The following RBFOX1 variants were observed in gnomAD, a reference collection of about 807,000 sequenced individuals.
RBFOX1 encodes RNA binding fox-1 homolog 1, also known as RNA binding protein fox-1 homolog 1.
Under a neutral mutation model 57.7 loss-of-function variants are expected in RBFOX1, and 8 were observed. The observed-to-expected ratio is 0.14, with a 90% CI of 0.08 to 0.25. The LOEUF is 0.25. Among genes scored for constraint, RBFOX1 ranks in the 10% least tolerant of loss-of-function variants. The pLI is 1.00. For synonymous variants in RBFOX1, 326 were observed against 222.4 expected, an observed-to-expected ratio of 1.47 and a Z score of -4.15; for missense variants, 611 against 548.5, an observed-to-expected ratio of 1.11 and a Z score of -1.14.
intron 2 of RBFOX1, among the ~76,000 whole-genome samples, chr16:6,613,971 G>T (rs1486558194): frequency 2.0e-5 from 3 of 152,122 alleles, no homozygotes; most frequent in Non-Finnish European, 4.4e-5. Flanking sequence ...GATAGATTCA[G>T]ATACTGCAAT....
intron 2 of RBFOX1, among the ~76,000 whole-genome samples, chr16:6,365,539 A>G (rs78549622): frequency 0.069 from 10,567 of 152,250 alleles, 1,251 homozygotes; most frequent in African/African-American, 0.24. Context: ...TAATAGGTAC[A>G]TCTTATGCTC....
chr16:5,406,352 A>AG (rs142126816), intron 1 of RBFOX1, among the ~76,000 whole-genome samples: 23,445 of 151,970 alleles, frequency 0.15, 1,924 homozygotes, highest in Middle Eastern at 0.22. Context: ...AAGGTGGAGG[A>AG]GGGGAGAGTT....
At chr16:7,665,072 C>G in intron 13 of RBFOX1, 104 bp downstream of exon 13, 3 of 1,605,588 alleles carry the variant, frequency 1.9e-6, no homozygotes, top group Non-Finnish European at 2.6e-6. Context: ...AGTTTCTCTC[C>G]TTGGTCTGTA....
chr16:7,452,324 C>T (rs1349268456), intron 4 of RBFOX1, among the ~76,000 whole-genome samples: 1 of 152,116 alleles, frequency 6.6e-6, no homozygotes, highest in African/African-American at 2.4e-5. Context: ...TGAGTCAGCC[C>T]GCGTTAGCGT....
At chr16:5,424,032 A>T (rs533077) in intron 1 of RBFOX1, among the ~76,000 whole-genome samples, 78,953 of 151,974 alleles carry the variant, frequency 0.52, 21,440 homozygotes, top group East Asian at 0.67. Context: ...ACCAACCCTC[A>T]CTGTCCTAGG....
intron 2 of RBFOX1, among the ~76,000 whole-genome samples, chr16:6,442,287 G>A (rs945771540): frequency 1.3e-4 from 20 of 152,170 alleles, no homozygotes; most frequent in African/African-American, 4.8e-4. Context: ...GCCGTGCACG[G>A]TGGCTCACAC....
At chr16:7,229,218 CAG>C (rs1488464802) in intron 4 of RBFOX1, among the ~76,000 whole-genome samples, 1 of 152,166 alleles carries the variant, frequency 6.6e-6, no homozygotes, top group African/African-American at 2.4e-5. Flanking sequence ...TGCAGTGTCC[CAG>C]TGATGCATTG....
chr16:7,209,552 C>G (rs2152774018), intron 4 of RBFOX1, among the ~76,000 whole-genome samples: 1 of 152,326 alleles, frequency 6.6e-6, no homozygotes, highest in South Asian at 2.1e-4. Flanking sequence ...TCAGTGCAAA[C>G]ATTACCTCCT....
chr16:7,469,261 A>T (rs1202066440), intron 4 of RBFOX1, among the ~76,000 whole-genome samples: 1 of 151,628 alleles, frequency 6.6e-6, no homozygotes. Context: ...ACAGGGTTTC[A>T]CCATGTCGGT....
At position 5,807,086 on chromosome 16, in the gene RBFOX1, T is replaced by G. The variant is rs375463228; in HGVS notation, c.319-60217T>G. 2.6e-5 allele frequency among the ~76,000 whole-genome samples: 4 copies of G among 152,168 alleles called. No homozygotes were observed. In the East Asian group the frequency reaches 5.8e-4, roughly 22 times the overall value. ...AGTGGGAAGATGAGGCATTCAGGCT[T>G]TGGTGTGAAATGTCTAGGTAAATAC... On this transcript the variant is annotated intron_variant, in intron 3 of 19. Transcript: ENST00000641259.
At chr16:6,914,647 G>A (rs552529443) in intron 3 of RBFOX1, among the ~76,000 whole-genome samples, 1 of 152,260 alleles carries the variant, frequency 6.6e-6, no homozygotes, top group South Asian at 2.1e-4. Context: ...GCTGAGGCAG[G>A]AGGATTGCTT....
At chr16:6,940,182 A>G (rs1232052877) in intron 3 of RBFOX1, among the ~76,000 whole-genome samples, 3 of 149,494 alleles carry the variant, frequency 2.0e-5, no homozygotes, top group South Asian at 2.2e-4. Context: ...ACAGAGTGAG[A>G]CTCCATCTCA....
At chr16:7,175,410 A>G (rs2081462700) in intron 4 of RBFOX1, among the ~76,000 whole-genome samples, 1 of 152,164 alleles carries the variant, frequency 6.6e-6, no homozygotes, top group Non-Finnish European at 1.5e-5. Context: ...CAGCAAAGGC[A>G]TGGGCAGGGG....
At position 6,843,947 on chromosome 16, in the gene RBFOX1, C is replaced by G. The variant is rs139033374; in HGVS notation, c.-16+189297C>G. ...GAATTCTCCACTGTCTCATGGAAAT[C>G]ACAAGGCTTGCTTGGATCGTAATGT... On this transcript the variant is annotated intron_variant, in intron 3 of 15. Coordinates refer to ENST00000550418, the MANE Select transcript of RBFOX1 (RefSeq NM_018723.4). 7.7e-4 allele frequency among the ~76,000 whole-genome samples: 117 copies of G among 152,272 alleles called. 1 individual carries two copies. Among genetic ancestry groups the G allele is most frequent in the Non-Finnish European group, 1.2e-3 (81 of 68,016 alleles).
intron 4 of RBFOX1, among the ~76,000 whole-genome samples, chr16:7,148,074 A>C (rs2075378031): frequency 6.6e-6 from 1 of 152,196 alleles, no homozygotes; most frequent in East Asian, 1.9e-4. Context: ...ACTCAAGATG[A>C]GCAGACAAAC....
intron 4 of RBFOX1, among the ~76,000 whole-genome samples, chr16:7,430,675 A>AAG (rs1555898785): frequency 2.0e-5 from 3 of 151,232 alleles, no homozygotes; most frequent in Non-Finnish European, 2.9e-5. Flanking sequence ...AAAAAAAAAA[A>AAG]GTACCCACCC....
chr16:6,618,666 T>G (rs934735010), intron 2 of RBFOX1, among the ~76,000 whole-genome samples: 7 of 152,130 alleles, frequency 4.6e-5, no homozygotes, highest in African/African-American at 1.7e-4. Flanking sequence ...GCTTTCAAAT[T>G]CACATCACTT....
intron 2 of RBFOX1, among the ~76,000 whole-genome samples, chr16:6,381,979 A>G (rs375906262): frequency 8.5e-5 from 13 of 152,206 alleles, no homozygotes; most frequent in African/African-American, 2.2e-4. Context: ...GTTTTCCTGT[A>G]AAGGGCCACA....
chr16:7,653,000 C>G (rs2065412439), intron 11 of RBFOX1, among the ~76,000 whole-genome samples: 1 of 152,158 alleles, frequency 6.6e-6, no homozygotes, highest in Non-Finnish European at 1.5e-5. Flanking sequence ...CCAGAGATTG[C>G]TAGCATGTGG....
Sources: gnomAD v4.1 joint callset for allele counts (sites outside exome capture counted in the v4.1 genomes callset) on GRCh38, gnomAD v4.1.1 for gene constraint, MANE v1.5 for transcripts, NCBI Gene and HGNC (gene_info 2026-07-23, HGNC 2026-07-21) for gene names.